The following SVIL variants were observed in gnomAD, a reference collection of about 807,000 sequenced individuals.
SVIL encodes supervillin, also known as archvillin.
SVIL carries 101 observed loss-of-function variants against 240.4 expected under a neutral mutation model. The ratio of observed to expected loss-of-function variants is 0.42; its 90% CI spans 0.36 to 0.50. The LOEUF is 0.50. Among genes scored for constraint, SVIL ranks in the 20% least tolerant of loss-of-function variants. The pLI, the probability that SVIL is intolerant of heterozygous loss-of-function variation, is 0.01. For missense variants in SVIL, 2,512 were observed against 2,818.7 expected, an observed-to-expected ratio of 0.89 and a Z score of 2.46; for synonymous variants, 999 against 1,100.0, an observed-to-expected ratio of 0.91 and a Z score of 1.82.
chr10:29,641,891 CAGAAAACAAA>C (rs1317229803), intron 3 of SVIL, among the ~76,000 whole-genome samples: 1 of 152,152 alleles, frequency 6.6e-6, no homozygotes, highest in East Asian at 1.9e-4. Context: ...TGGTGGAAAA[CAGAAAACAAA>C]AGAAAACAAA....
At chr10:29,693,090 G>A (rs1219385576) in intron 1 of SVIL, among the ~76,000 whole-genome samples, 6 of 152,100 alleles carry the variant, frequency 3.9e-5, no homozygotes, top group Non-Finnish European at 7.4e-5. Context: ...GGCACTCCGA[G>A]TGTTTTCCAT....
chr10:29,713,122 G>A (rs1012636395), intron 1 of SVIL, among the ~76,000 whole-genome samples: 6 of 151,948 alleles, frequency 3.9e-5, no homozygotes, highest in Non-Finnish European at 7.4e-5. Flanking sequence ...GTTGCAGTGA[G>A]CCAAGGTGGC....
At chr10:29,504,560 A>G (rs1357968588) in intron 17 of SVIL, among the ~76,000 whole-genome samples, 2 of 152,248 alleles carry the variant, frequency 1.3e-5, no homozygotes, top group African/African-American at 2.4e-5. Context: ...CAAAGAAGAT[A>G]TAAGACAGAA....
At position 29,481,748 on chromosome 10, in the gene SVIL, T is replaced by C. The variant is rs1248055234; in HGVS notation, c.4956-20A>G. 1 of 1,608,388 alleles carries C rather than the reference T, an allele frequency of 6.2e-7. No individual in the cohort carries two copies. The highest frequency in any genetic ancestry group is 8.5e-7 in the Non-Finnish European group (1 of 1,178,216). The stretch of plus-strand genomic sequence containing the variant: ...CCTTTTCTGTAGGGTGGGAGGGGGG[T>C]TGGGAGAACAGACAGGAAAAGAACC... On this transcript the variant is annotated intron_variant, in intron 27 of 37. Coordinates refer to ENST00000355867, the MANE Select transcript of SVIL (RefSeq NM_021738.3).
intron 3 of SVIL, among the ~76,000 whole-genome samples, chr10:29,655,890 T>C (rs1465692287): frequency 2.1e-5 from 3 of 143,418 alleles, no homozygotes; most frequent in Middle Eastern, 3.6e-3. Flanking sequence ...TTTTTTTTTT[T>C]CTGTTTCTTT....
chr10:29,576,533 C>T (rs1432556224), intron 1 of SVIL, among the ~76,000 whole-genome samples: 1 of 152,060 alleles, frequency 6.6e-6, no homozygotes, highest in Admixed American at 6.6e-5. Context: ...TATACATACC[C>T]CATCATTTAT....
chr10:29,550,730 A>T lies in SVIL; in HGVS notation c.694T>A (p.Phe232Ile), dbSNP rs1484722965. 1.9e-6 allele frequency: 3 copies of T among 1,613,978 alleles called. No individual in the cohort carries two copies. Among genetic ancestry groups the T allele is most frequent in the Non-Finnish European group, 2.5e-6 (3 of 1,180,026 alleles). Reference sequence around the variant, plus strand: ...GTGAAGGAGGAGTCTCGCCCAGAGAAAGAGAAGGTCGAGGAACTCTCGGCT... The same window carrying T: ...GTGAAGGAGGAGTCTCGCCCAGAGATAGAGAAGGTCGAGGAACTCTCGGCT... ...PAAESSSTFS[F>I]SGRDSSFTEV... is the part of the protein sequence containing the mutation. Residue 232 changes from phenylalanine (F) to isoleucine (I), a missense_variant, in exon 6 of 38, where the codon TTC becomes ATC. Coordinates refer to ENST00000355867, the MANE Select transcript of SVIL (RefSeq NM_021738.3).
At chr10:29,675,912 T>C (rs1318414227) in intron 2 of SVIL, among the ~76,000 whole-genome samples, 1 of 152,168 alleles carries the variant, frequency 6.6e-6, no homozygotes, top group Non-Finnish European at 1.5e-5. Flanking sequence ...AAGTTACATT[T>C]GTCTTATCTG....
intron 3 of SVIL, among the ~76,000 whole-genome samples, chr10:29,640,233 C>T (rs1958440338): frequency 6.6e-6 from 1 of 152,194 alleles, no homozygotes; most frequent in Admixed American, 6.5e-5. Flanking sequence ...CAACAACACA[C>T]TCTCCTGAGG....
chr10:29,721,386 C>T (rs1318630097), intron 1 of SVIL, among the ~76,000 whole-genome samples: 2 of 151,500 alleles, frequency 1.3e-5, no homozygotes, highest in East Asian at 1.9e-4. Flanking sequence ...TTACATTAAA[C>T]GTAAGTAATC....
chr10:29,687,355 T>C (rs536197832), intron 1 of SVIL, among the ~76,000 whole-genome samples: 3 of 152,346 alleles, frequency 2.0e-5, no homozygotes, highest in East Asian at 1.9e-4. Context: ...CCTTACCGTA[T>C]GCAAAATGTA....
At chr10:29,590,713 C>A (rs1956357269) in intron 1 of SVIL, among the ~76,000 whole-genome samples, 2 of 152,178 alleles carry the variant, frequency 1.3e-5, no homozygotes, top group Admixed American at 1.3e-4. Context: ...TTGTGTTAAG[C>A]TTGAAATATG....
At chr10:29,703,347 C>T (rs940510556) in intron 1 of SVIL, among the ~76,000 whole-genome samples, 1 of 152,194 alleles carries the variant, frequency 6.6e-6, no homozygotes. Context: ...ACCAGCCCCC[C>T]ACTGCTCCAG....
chr10:29,729,017 C>T (rs1964448047), intron 1 of SVIL, among the ~76,000 whole-genome samples: 1 of 152,076 alleles, frequency 6.6e-6, no homozygotes, highest in Non-Finnish European at 1.5e-5. Flanking sequence ...AGAAAGCTGC[C>T]AAAGTCTGGG....
Position 29,576,742 on chromosome 10 carries a change from T to TA in SVIL, c.-200-7431dup, listed in dbSNP as rs1955713622. ...GAATTTTTTGGTAGAGATTGGGTCT[T>TA]ACTATGTTTCCCAGGCTGATCTCCA... On this transcript the variant is annotated intron_variant, in intron 1 of 37. Transcript: ENST00000355867. 3.3e-5 allele frequency among the ~76,000 whole-genome samples: 5 copies of TA among 152,232 alleles called. No homozygotes were observed. In the South Asian group the frequency reaches 1.0e-3, roughly 32 times the overall value.
chr10:29,542,277 T>C (rs1157507507), intron 6 of SVIL, among the ~76,000 whole-genome samples: 1 of 152,236 alleles, frequency 6.6e-6, no homozygotes, highest in Non-Finnish European at 1.5e-5. Flanking sequence ...TCTAGGTCAC[T>C]TGAAATTGTT....
At chr10:29,482,016 CTTTTCTTTTTTTTTT>C (rs1412491585) in intron 27 of SVIL, among the ~76,000 whole-genome samples, 12 of 93,986 alleles carry the variant, frequency 1.3e-4, no homozygotes, top group East Asian at 3.1e-4. Flanking sequence ...AAGTTCTTTT[CTTTTCTTTTTTTTTT>C]TTTTTTTTTT....
At chr10:29,590,257 T>C (rs1956339223) in intron 1 of SVIL, among the ~76,000 whole-genome samples, 2 of 150,508 alleles carry the variant, frequency 1.3e-5, no homozygotes, top group Non-Finnish European at 3.0e-5. Context: ...ATAAAGATAT[T>C]ACCAGACCTC....
At chr10:29,551,983 A>G (rs1198797155) in intron 5 of SVIL, among the ~76,000 whole-genome samples, 1 of 151,890 alleles carries the variant, frequency 6.6e-6, no homozygotes, top group Non-Finnish European at 1.5e-5. Flanking sequence ...GCATGATGGC[A>G]CATGTCCATG....
Sources: allele counts gnomAD v4.1 joint callset (sites outside exome capture counted in the v4.1 genomes callset), GRCh38; gene constraint gnomAD v4.1.1; transcripts MANE v1.5; gene names NCBI Gene and HGNC (gene_info 2026-07-23, HGNC 2026-07-21).